Variants in FHOD1 observed in about 807,000 individuals in gnomAD.
The protein encoded by FHOD1 is formin homology 2 domain containing 1.
Under a neutral mutation model 111.6 loss-of-function variants are expected in FHOD1, and 89 were observed. The observed-to-expected ratio is 0.80, with a 90% CI of 0.67 to 0.95. FHOD1 has a LOEUF of 0.95. Among genes scored for constraint, FHOD1 ranks in the 40% least tolerant of loss-of-function variants. The pLI is 0.00. For missense variants in FHOD1, 1,446 were observed against 1,554.2 expected (o/e 0.93, Z 1.17); for synonymous variants, 618 against 639.0 (o/e 0.97, Z 0.50).
rs746053817 is a variant in FHOD1, at chr16:67,230,457, C to T, written c.2908G>A (p.Glu970Lys). The T allele has an allele frequency of 6.2e-7, 1 of 1,614,246 alleles. No individual in the cohort carries two copies. The highest frequency in any genetic ancestry group is 1.1e-5 in the South Asian group (1 of 91,086). The change falls in exon 19 of 22, where the codon GAA becomes AAA. Residue 970 changes from glutamate to lysine, a missense_variant. This residue lies in a region of FHOD1 where 1,085 missense variants were observed against 1,108.8 expected (regional missense o/e 0.98). Coordinates refer to ENST00000258201, the MANE Select transcript of FHOD1 (RefSeq NM_013241.3). ...TGGCAGAACTGCATGATGCGCACTT[C>T]ACGGGCCGCCTGCGGGGTGTAGCCC... is the stretch of plus-strand genomic sequence containing the variant. ...YLGYTPQAAREVRIMQFCHTL... is the reference protein window; with the variant it reads ...YLGYTPQAARKVRIMQFCHTL...
intron 11 of FHOD1, 123 bp downstream of exon 11, chr16:67,236,434 T>C: frequency 6.7e-7 from 1 of 1,498,160 alleles, no homozygotes; most frequent in Non-Finnish European, 8.9e-7. Flanking sequence ...TTTGGTGAAG[T>C]CTGGAAAGAG....
intron 11 of FHOD1, among the ~76,000 whole-genome samples, chr16:67,235,682 C>T (rs980180133): frequency 4.6e-5 from 7 of 152,160 alleles, no homozygotes; most frequent in African/African-American, 1.7e-4. Flanking sequence ...TAGGTTACCC[C>T]TCCACCCCCA....
At position 67,236,741 on chromosome 16, in the gene FHOD1, C is replaced by A; in HGVS notation, c.1143-8G>T. 4 of 1,280,618 alleles carry A rather than the reference C, an allele frequency of 3.1e-6. No homozygotes were observed. Among genetic ancestry groups the A allele is most frequent in the Non-Finnish European group, 4.0e-6 (4 of 999,432 alleles). 79.3% of individuals were successfully genotyped at this position (1,280,618 alleles called of 1,614,324 possible). On this transcript the variant is annotated splice_region_variant and splice_polypyrimidine_tract_variant and intron_variant, in intron 10 of 21. Transcript: ENST00000258201. ...GAGGCGGGGCCTGTGGGGCTGAAAG[C>A]AGGGGCTGTCAGTGGGGCGGGGCCT...
chr16:67,246,955 C>T (rs979032612), intron 1 of FHOD1: 3 of 498,314 alleles, frequency 6.0e-6, no homozygotes, highest in African/African-American at 2.0e-5. Context: ...AACTCGAGCA[C>T]CTCCCCAGGT....
intron 10 of FHOD1, 113 bp from the exon 11 acceptor site, chr16:67,236,846 T>C: frequency 2.3e-6 from 2 of 881,440 alleles, no homozygotes; most frequent in South Asian, 5.7e-5. Context: ...GCAGGCCCAG[T>C]GGAGGAGGTG....
At position 67,238,818 on chromosome 16, in the gene FHOD1, T is replaced by C. The variant is rs1301743194; in HGVS notation, c.373+85A>G. ...GCACATACAGCTAAACCTACTTTGC[T>C]CACTGTTCAGCACAGGCCTGAAGGT... On this transcript the variant is annotated intron_variant, in intron 3 of 21. Coordinates refer to ENST00000258201, the MANE Select transcript of FHOD1 (RefSeq NM_013241.3). This position sits in a 1 kb window ranked among gnomAD's most constrained non-coding sequence, Gnocchi z 4.2. 2 of 1,346,768 alleles carry C rather than the reference T, an allele frequency of 1.5e-6. No homozygotes were observed. Among genetic ancestry groups the C allele is most frequent in the Non-Finnish European group, 2.1e-6 (2 of 936,710 alleles). The allele number at this position is 1,346,768 out of a possible 1,614,324, so 83.4% of individuals were successfully genotyped here. A position where few individuals can be genotyped will look rare whatever the true frequency, so the allele number is the denominator to read the frequency against.
At position 67,234,016 on chromosome 16, in the gene FHOD1, C is replaced by G. The variant is rs745684341; in HGVS notation, c.1687G>C (p.Val563Leu). ...GCTGGGATGTCTTTCCCAGCCTCCA[C>G]AGACTCTACATTCAGCATGTCCTGG... ...EDQDMLNVES[V>L]EAGKDIPAPS... The change falls in exon 13 of 22, where the codon GTG (valine) becomes CTG (leucine). Residue 563 changes from valine to leucine, a missense_variant. Coordinates refer to ENST00000258201, the MANE Select transcript of FHOD1 (RefSeq NM_013241.3). 8.1e-6 allele frequency: 13 copies of G among 1,613,506 alleles called. No homozygotes were observed. The highest frequency in any genetic ancestry group is 1.6e-4 in the Middle Eastern group (1 of 6,084).
Position 67,245,366 on chromosome 16 carries a change from C to T in FHOD1, c.201+1844G>A, listed in dbSNP as rs143691476. Among the ~76,000 whole-genome samples the T allele has an allele frequency of 5.9e-5, 9 of 152,248 alleles. No individual in the cohort carries two copies. In the East Asian group the frequency reaches 7.7e-4, roughly 13 times the overall value. The stretch of plus-strand genomic sequence containing the variant: ...CACCTGGTAGGGTTGGGTGGGGACA[C>T]GGGTCCCATGAGAGGGAGATAGAAG... On this transcript the variant is annotated intron_variant, in intron 1 of 21. Coordinates refer to ENST00000258201, the MANE Select transcript of FHOD1 (RefSeq NM_013241.3).
chr16:67,234,670 C>G (rs2142277182), intron 11 of FHOD1, 198 bp from the exon 12 acceptor site: 1 of 528,264 alleles, frequency 1.9e-6, no homozygotes, highest in South Asian at 2.8e-5. Flanking sequence ...GGGAGGATTA[C>G]TACCAACCCA....
chr16:67,230,822 C>T (rs2034237418), intron 17 of FHOD1, 31 bp from the exon 18 acceptor site: 2 of 1,547,292 alleles, frequency 1.3e-6, no homozygotes, highest in Non-Finnish European at 1.7e-6. Flanking sequence ...ACATACTGTC[C>T]CCCCACACCC....
intron 1 of FHOD1, among the ~76,000 whole-genome samples, chr16:67,245,481 C>T (rs915521449): frequency 1.3e-5 from 2 of 152,140 alleles, no homozygotes; most frequent in Admixed American, 1.3e-4. Context: ...CATGGTGGCT[C>T]AAGCCTTAAT....
At chr16:67,236,490 G>C in intron 11 of FHOD1, 67 bp downstream of exon 11, 1 of 1,572,938 alleles carries the variant, frequency 6.4e-7, no homozygotes, top group Non-Finnish European at 8.6e-7. Context: ...GAGTGCCCAT[G>C]GAGGGGCGCA....
rs779142609 is a variant in FHOD1, at chr16:67,247,323, C to T, written c.88G>A (p.Ala30Thr). Residue 30 changes from alanine (A) to threonine (T), a missense_variant, in exon 1 of 22, where the codon GCA becomes ACA. By Grantham distance (58) the Ala-to-Thr change is moderately conservative. Transcript: ENST00000258201. ...VQYLEDTDPF[A>T]CANFPEPRRA... ...CGCGGCTCCGGAAAGTTGGCACATG[C>T]GAAGGGGTCGGTGTCTTCCAGGTAC... The T allele has an allele frequency of 6.2e-7, 1 of 1,613,512 alleles. No individual in the cohort carries two copies. Among genetic ancestry groups the T allele is most frequent in the African/African-American group, 1.3e-5 (1 of 74,920 alleles).
chr16:67,234,608 A>G lies in FHOD1; in HGVS notation c.1320-136T>C. 4 of 700,360 alleles carry G rather than the reference A, an allele frequency of 5.7e-6. No homozygotes were observed. The Admixed American group carries it at 9.3e-5, about 16-fold the overall frequency. 43.4% of individuals were successfully genotyped at this position (700,360 alleles called of 1,614,324 possible). A position where few individuals can be genotyped will look rare whatever the true frequency, so the allele number is the denominator to read the frequency against. Reference sequence around the variant, plus strand: ...AGGGAACAGTCCATGCGCTGAGCAGACCAGAACCACACCCCCCCCAAGGCC... The same window carrying G: ...AGGGAACAGTCCATGCGCTGAGCAGGCCAGAACCACACCCCCCCCAAGGCC... On this transcript the variant is annotated intron_variant, in intron 11 of 21. Transcript: ENST00000258201.
In FHOD1 at chr16:67,234,622, C is replaced by T. The variant is rs932676102; in HGVS notation, c.1320-150G>A. On this transcript the variant is annotated intron_variant, in intron 11 of 21. Transcript: ENST00000258201. Reference sequence around the variant, plus strand: ...GCGCTGAGCAGACCAGAACCACACCCCCCCCAAGGCCAGCCCCTCTTCAGT... The same window carrying T: ...GCGCTGAGCAGACCAGAACCACACCTCCCCCAAGGCCAGCCCCTCTTCAGT... 1.0e-4 allele frequency: 64 copies of T among 621,188 alleles called. No homozygotes were observed. In the African/African-American group the frequency reaches 1.1e-3, roughly 10 times the overall value. The allele number at this position is 621,188 out of a possible 1,614,324, so 38.5% of individuals were successfully genotyped here.
In FHOD1 at chr16:67,233,948, A is replaced by C. The variant is rs866006762; in HGVS notation, c.1755T>G (p.Pro585=). The change falls in exon 13 of 22, where the codon CCT becomes CCG. Residue 585 remains proline (P), a synonymous_variant. Transcript: ENST00000258201. ...TGGGTGGGGGAGGTGGAAGTGGGGG[A>C]GGGGGGGGTACTCCCGAGAGCAGGG... ...PLPLLSGVPP[P]PPLPPPPPIK... The C allele has an allele frequency of 1.6e-5, 4 of 256,426 alleles. No homozygotes were observed. Among genetic ancestry groups the C allele is most frequent in the Non-Finnish European group, 2.3e-5 (4 of 171,536 alleles). 15.9% of individuals were successfully genotyped at this position (256,426 alleles called of 1,614,324 possible).
Position 67,230,046 on chromosome 16 carries a change from A to C in FHOD1, c.3214+20T>G. 1 of 1,613,180 alleles carries C rather than the reference A, an allele frequency of 6.2e-7. No homozygotes were observed. The highest frequency in any genetic ancestry group is 8.5e-7 in the Non-Finnish European group (1 of 1,179,250). On this transcript the variant is annotated intron_variant, in intron 20 of 21. Transcript: ENST00000258201. ...AAGGTGGCACTGGAGCCCATTCCCC[A>C]CAGCTGCTATGGGCCTCACCTCTGC...
chr16:67,236,848 G>A, intron 10 of FHOD1, 115 bp from the exon 11 acceptor site: 3 of 1,416,446 alleles, frequency 2.1e-6, no homozygotes, highest in South Asian at 1.4e-5. Flanking sequence ...AGGCCCAGTG[G>A]AGGAGGTGGG....
In FHOD1 at chr16:67,238,800, C is replaced by T. The variant is rs2034586096; in HGVS notation, c.373+103G>A. The T allele has an allele frequency of 4.5e-6, 5 of 1,115,986 alleles. No homozygotes were observed. Among genetic ancestry groups the T allele is most frequent in the Non-Finnish European group, 4.1e-6 (3 of 729,706 alleles). 69.1% of individuals were successfully genotyped at this position (1,115,986 alleles called of 1,614,324 possible). ...GGATAGGGAGAGGAAGGAGCACATACAGCTAAACCTACTTTGCTCACTGTT... is the reference window on the plus strand; with the variant it reads ...GGATAGGGAGAGGAAGGAGCACATATAGCTAAACCTACTTTGCTCACTGTT... On this transcript the variant is annotated intron_variant, in intron 3 of 21. Coordinates refer to ENST00000258201, the MANE Select transcript of FHOD1 (RefSeq NM_013241.3). The surrounding 1 kb of genome is among the most constrained non-coding windows in gnomAD (Gnocchi z 4.2).
Sources: gnomAD v4.1 joint callset for allele counts (sites outside exome capture counted in the v4.1 genomes callset) on GRCh38, gnomAD v4.1.1 for gene constraint, gnomAD v4.1.1 regional missense constraint, Gnocchi (gnomAD v3.1) non-coding constraint, MANE v1.5 for transcripts, NCBI Gene and HGNC (gene_info 2026-07-23, HGNC 2026-07-21) for gene names.